The following HCCS variants were observed in gnomAD, a reference collection of about 807,000 sequenced individuals.
HCCS encodes the protein holocytochrome c synthase.
In HCCS, 2 loss-of-function variants were observed where a neutral mutation model predicts 24.2. The ratio of observed to expected loss-of-function variants is 0.08; its 90% CI spans 0.03 to 0.26. HCCS has a LOEUF of 0.26. HCCS is among the 10% of genes least tolerant of loss of function. The probability of loss-of-function intolerance (pLI) is 1.00; values close to 1 mark genes in which losing one functional copy is unlikely to be tolerated. For synonymous variants in HCCS, 73 were observed against 76.2 expected (o/e 0.96, Z 0.22); for missense variants, 150 against 213.3 (o/e 0.70, Z 1.85).
chrX:11,116,032 G>A (rs936076737), intron 3 of HCCS: 1 of 112,244 alleles, frequency 8.9e-6, no homozygotes, highest in African/African-American at 3.2e-5. Context: ...ATCATGATAT[G>A]TAGTGAGAAT....
chrX:11,122,576 TC>T lies in HCCS; in HGVS notation c.*768del, dbSNP rs1162756564. ...TATCCCAACTTCGAATCTCATTTCT[TC>T]CTTTGCTGGCAGCCTCCACCCTTCC... is the stretch of plus-strand genomic sequence containing the variant. On this transcript the variant is annotated 3_prime_UTR_variant, in exon 7 of 7. Transcript: ENST00000380762. The T allele has an allele frequency of 8.9e-6, 1 of 112,552 alleles. No homozygotes were observed. The highest frequency in any genetic ancestry group is 2.8e-4 in the East Asian group (1 of 3,606). 9.3% of individuals were successfully genotyped at this position (112,552 alleles called of 1,213,427 possible).
intron 2 of HCCS, 65 bp downstream of exon 2, chrX:11,112,225 C>A (rs2045414292): frequency 1.1e-6 from 1 of 870,722 alleles, no homozygotes; most frequent in Non-Finnish European, 1.7e-6. Flanking sequence ...CGGTGGTTCA[C>A]GCCTGTGACA....
rs754324866 is a variant in HCCS, at chrX:11,115,522, A to G, written c.252+536A>G. ...CAGAAATTGTGGTCTAAAGTTTGGA[A>G]TCGTGTTTTAACGGGAGGCTCAGGC... is the stretch of plus-strand genomic sequence containing the variant. On this transcript the variant is annotated intron_variant, in intron 3 of 6. Transcript: ENST00000380762. 5.4e-5 allele frequency among the ~76,000 whole-genome samples: 6 copies of G among 112,056 alleles called. No homozygotes were observed. In the East Asian group the frequency reaches 1.7e-3, roughly 31 times the overall value.
At position 11,111,411 on chromosome X, in the gene HCCS, G is replaced by T; in HGVS notation, c.-150G>T. 6.2e-6 allele frequency: 1 copy of T among 160,018 alleles called. No individual in the cohort carries two copies. The allele number at this position is 160,018 out of a possible 1,213,427, so 13.2% of individuals were successfully genotyped here. A position where few individuals can be genotyped will look rare whatever the true frequency, so the allele number is the denominator to read the frequency against. ...TCACTGCTGCTCTGGGTTCGGGTTG[G>T]CGACTGAAGGCGGTACCGGCCTCCC... On this transcript the variant is annotated 5_prime_UTR_variant, in exon 1 of 7. Transcript: ENST00000380762.
In HCCS at chrX:11,121,935, T is replaced by C; in HGVS notation, c.*125T>C. The C allele has an allele frequency of 5.3e-6, 3 of 560,846 alleles. No individual in the cohort carries two copies. Among genetic ancestry groups the C allele is most frequent in the Non-Finnish European group, 9.0e-6 (3 of 333,472 alleles). The allele number at this position is 560,846 out of a possible 1,213,427, so 46.2% of individuals were successfully genotyped here. A position where few individuals can be genotyped will look rare whatever the true frequency, so the allele number is the denominator to read the frequency against. On this transcript the variant is annotated 3_prime_UTR_variant, in exon 7 of 7. Transcript: ENST00000380762. ...TCAAGTGGGTAATCACACTTTTTCC[T>C]TCACTTAACGAAGGATACTATGCAC...
chrX:11,118,670 A>G, intron 5 of HCCS, 50 bp downstream of exon 5: 1 of 1,143,423 alleles, frequency 8.7e-7, no homozygotes, highest in Non-Finnish European at 1.2e-6. Flanking sequence ...GTTATTTCAT[A>G]TCAGCTTTCT....
intron 4 of HCCS, among the ~76,000 whole-genome samples, 185 bp downstream of exon 4, chrX:11,117,600 CAA>C (rs1298341351): frequency 9.0e-6 from 1 of 111,555 alleles, no homozygotes; most frequent in Non-Finnish European, 1.9e-5. Context: ...TCAGGGTTCT[CAA>C]GAGAAACAGA....
At chrX:11,119,176 A>T (rs2045472195) in intron 5 of HCCS, among the ~76,000 whole-genome samples, 1 of 112,039 alleles carries the variant, frequency 8.9e-6, no homozygotes, top group Non-Finnish European at 1.9e-5. Flanking sequence ...AAAGCAGAGC[A>T]TGTGGGAAGG....
At chrX:11,118,729 C>G in intron 5 of HCCS, 109 bp downstream of exon 5, 1 of 842,919 alleles carries the variant, frequency 1.2e-6, no homozygotes, top group East Asian at 3.2e-5. Flanking sequence ...TTTTATGTAG[C>G]AGGCATGGCT....
chrX:11,114,208 C>T (rs2045432288), intron 2 of HCCS, among the ~76,000 whole-genome samples: 1 of 112,993 alleles, frequency 8.9e-6, no homozygotes, highest in Non-Finnish European at 1.9e-5. Flanking sequence ...TAAACTCTTG[C>T]CATTGACTGA....
chrX:11,120,059 A>G (rs949601236), intron 5 of HCCS: 33 of 321,225 alleles, frequency 1.0e-4, no homozygotes, highest in African/African-American at 8.0e-4. Flanking sequence ...AAAGGAGAAG[A>G]AAAGTAACTC....
At chrX:11,121,065 A>T in intron 6 of HCCS, 72 bp downstream of exon 6, 1 of 838,388 alleles carries the variant, frequency 1.2e-6, no homozygotes. Context: ...CACCAAAACC[A>T]GTCTAAGAAT....
rs1009485658 is a variant in HCCS, at chrX:11,122,760, G to C, written c.*950G>C. 4.4e-5 allele frequency: 5 copies of C among 112,415 alleles called. No homozygotes were observed. The highest frequency in any genetic ancestry group is 1.9e-4 in the Admixed American group (2 of 10,561). 9.3% of individuals were successfully genotyped at this position (112,415 alleles called of 1,213,427 possible). ...ATGGAGAACGCTTCAACTCAGTCTAGATTTTTTTTGTTTGTTTTAAGGAAG... is the reference window on the plus strand; with the variant it reads ...ATGGAGAACGCTTCAACTCAGTCTACATTTTTTTTGTTTGTTTTAAGGAAG... On this transcript the variant is annotated 3_prime_UTR_variant, in exon 7 of 7. Coordinates refer to ENST00000380762, the MANE Select transcript of HCCS (RefSeq NM_005333.5).
chrX:11,116,598 A>C (rs2045450147), intron 3 of HCCS, among the ~76,000 whole-genome samples: 1 of 112,933 alleles, frequency 8.9e-6, no homozygotes, highest in Non-Finnish European at 1.9e-5. Flanking sequence ...CCTCAGGCAA[A>C]TATCCTGCTG....
At chrX:11,117,166 A>T in intron 3 of HCCS, 101 bp from the exon 4 acceptor site, 1 of 709,343 alleles carries the variant, frequency 1.4e-6, no homozygotes, top group Non-Finnish European at 2.3e-6. Context: ...TTTAATAAGT[A>T]ATCTGTGCTT....
chrX:11,116,458 C>G (rs1206886298), intron 3 of HCCS, among the ~76,000 whole-genome samples: 2 of 112,833 alleles, frequency 1.8e-5, no homozygotes, highest in African/African-American at 3.2e-5. Flanking sequence ...ACACATAGCC[C>G]TTCCTGCTGT....
At chrX:11,118,268 C>A in intron 4 of HCCS, 2 of 432,848 alleles carry the variant, frequency 4.6e-6, no homozygotes, top group Non-Finnish European at 8.4e-6. Flanking sequence ...TAAGGTGAAC[C>A]TTTTATATTT....
intron 4 of HCCS, among the ~76,000 whole-genome samples, chrX:11,117,619 A>G (rs1348571995): frequency 8.9e-6 from 1 of 111,734 alleles, no homozygotes; most frequent in Non-Finnish European, 1.9e-5. Flanking sequence ...CAGAACCAAT[A>G]GGATATGTGT....
At chrX:11,121,547 T>C (rs1043771185) in intron 6 of HCCS, 65 bp from the exon 7 acceptor site, 3 of 973,186 alleles carry the variant, frequency 3.1e-6, no homozygotes, top group African/African-American at 3.8e-5. Context: ...AGTTTTCTCA[T>C]GGCTTAAACC....
Sources: allele counts gnomAD v4.1 joint callset (sites outside exome capture counted in the v4.1 genomes callset), GRCh38; gene constraint gnomAD v4.1.1; transcripts MANE v1.5; gene names NCBI Gene and HGNC (gene_info 2026-07-23, HGNC 2026-07-21).